Variants in TCERG1L observed in about 807,000 individuals in gnomAD.
TCERG1L encodes transcription elongation regulator 1-like protein.
Under a neutral mutation model 56.3 loss-of-function variants are expected in TCERG1L, and 37 were observed. That is an observed-to-expected ratio of 0.66 (90% CI 0.51 to 0.87). The LOEUF is 0.87. Among genes scored for constraint, TCERG1L ranks in the 40% least tolerant of loss-of-function variants. TCERG1L has a pLI of 0.00. For missense variants in TCERG1L, 799 were observed against 774.2 expected (o/e 1.03, Z -0.38); for synonymous variants, 324 against 326.3 (o/e 0.99, Z 0.08).
intron 4 of TCERG1L, among the ~76,000 whole-genome samples, chr10:131,221,193 C>T (rs1321483001): frequency 6.6e-6 from 1 of 152,204 alleles, no homozygotes; most frequent in Non-Finnish European, 1.5e-5. Context: ...GAAAGTGTCT[C>T]CCACCCTGAC....
At chr10:131,233,086 T>C (rs1256078722) in intron 4 of TCERG1L, among the ~76,000 whole-genome samples, 1 of 152,236 alleles carries the variant, frequency 6.6e-6, no homozygotes, top group Non-Finnish European at 1.5e-5. Context: ...TCAGACGATG[T>C]TAGCGTATGT....
At chr10:131,149,512 A>G (rs1251569868) in intron 6 of TCERG1L, among the ~76,000 whole-genome samples, 2 of 152,236 alleles carry the variant, frequency 1.3e-5, no homozygotes, top group Admixed American at 6.5e-5. Context: ...TAAATTATGC[A>G]CAATTCAGCT....
intron 4 of TCERG1L, among the ~76,000 whole-genome samples, chr10:131,188,572 G>T (rs1474255337): frequency 6.6e-6 from 1 of 152,042 alleles, no homozygotes; most frequent in African/African-American, 2.4e-5. Context: ...TCAATAATGG[G>T]CACACAATTA....
chr10:131,221,887 G>A (rs2133499239), intron 4 of TCERG1L, among the ~76,000 whole-genome samples: 1 of 152,342 alleles, frequency 6.6e-6, no homozygotes, highest in Admixed American at 6.5e-5. Context: ...ATGAGAATCT[G>A]CGTGGGCATC....
At position 131,116,788 on chromosome 10, in the gene TCERG1L, C is replaced by T. The variant is rs915251200; in HGVS notation, c.1395+11G>A. On this transcript the variant is annotated intron_variant, in intron 9 of 11. Coordinates refer to ENST00000368642, the MANE Select transcript of TCERG1L (RefSeq NM_174937.4). ...CCGTAGGAGTGCAGCCCCTCAGCCGCTGTGCCTTACCCCTCTCTCCAGCAG... is the reference window on the plus strand; with the variant it reads ...CCGTAGGAGTGCAGCCCCTCAGCCGTTGTGCCTTACCCCTCTCTCCAGCAG... 5 of 1,553,936 alleles carry T rather than the reference C, an allele frequency of 3.2e-6. No homozygotes were observed. The African/African-American group carries it at 6.8e-5, about 21-fold the overall frequency.
At chr10:131,135,161 T>C (rs1391637505) in intron 7 of TCERG1L, among the ~76,000 whole-genome samples, 1 of 152,120 alleles carries the variant, frequency 6.6e-6, no homozygotes, top group Non-Finnish European at 1.5e-5. Context: ...AAAATTTTTG[T>C]ATTTTTGGTA....
chr10:131,093,122 C>G lies in TCERG1L; in HGVS notation c.*40G>C. 1 of 1,599,996 alleles carries G rather than the reference C, an allele frequency of 6.3e-7. No homozygotes were observed. The highest frequency in any genetic ancestry group is 8.5e-7 in the Non-Finnish European group (1 of 1,172,844). ...CGTGACCCCCTCGCCCCCGGCACGCCCAGGGTCAACCCCCGGGCTTATTGC... is the reference window on the plus strand; with the variant it reads ...CGTGACCCCCTCGCCCCCGGCACGCGCAGGGTCAACCCCCGGGCTTATTGC... On this transcript the variant is annotated 3_prime_UTR_variant, in exon 12 of 12. Coordinates refer to ENST00000368642, the MANE Select transcript of TCERG1L (RefSeq NM_174937.4).
chr10:131,253,545 G>A (rs1368497416), intron 4 of TCERG1L, among the ~76,000 whole-genome samples: 3 of 152,164 alleles, frequency 2.0e-5, no homozygotes, highest in Non-Finnish European at 4.4e-5. Flanking sequence ...GGTTAATGCT[G>A]AGCTGACCAG....
At chr10:131,301,022 A>G (rs1004547560) in intron 3 of TCERG1L, among the ~76,000 whole-genome samples, 11 of 152,072 alleles carry the variant, frequency 7.2e-5, no homozygotes, top group Non-Finnish European at 1.2e-4. Flanking sequence ...AATCTTTTTC[A>G]GTATTTGTAC....
In TCERG1L at chr10:131,270,277, G is replaced by A. The variant is rs76077824; in HGVS notation, c.671-9833C>T. 9.9e-3 allele frequency among the ~76,000 whole-genome samples: 1,509 copies of A among 152,312 alleles called. 60 individuals are homozygous for A. In the East Asian group the frequency reaches 0.1, roughly 10 times the overall value. ...GCAAAGCCAGCCAGAGCCTGGGGAC[G>A]CTAGCTGCTCCCCTCGGAGACGCCT... On this transcript the variant is annotated intron_variant, in intron 3 of 11. Transcript: ENST00000368642.
chr10:131,127,710 C>T (rs77923955), intron 8 of TCERG1L, among the ~76,000 whole-genome samples: 1,748 of 152,210 alleles, frequency 0.011, 19 homozygotes, highest in Non-Finnish European at 0.02. Flanking sequence ...GAGGGAGTCC[C>T]GGAACCACAG....
chr10:131,276,012 C>T (rs1298771364), intron 3 of TCERG1L, among the ~76,000 whole-genome samples: 1 of 152,226 alleles, frequency 6.6e-6, no homozygotes, highest in African/African-American at 2.4e-5. Flanking sequence ...AGAAACTCCT[C>T]AGGCAGGATC....
intron 10 of TCERG1L, 126 bp downstream of exon 10, chr10:131,104,139 A>T: frequency 1.6e-6 from 1 of 638,222 alleles, no homozygotes; most frequent in South Asian, 2.0e-5. Context: ...ACAAGCTCGC[A>T]AGCCACTGGC....
chr10:131,274,063 A>C (rs561052387), intron 3 of TCERG1L, among the ~76,000 whole-genome samples: 2 of 152,190 alleles, frequency 1.3e-5, no homozygotes, highest in East Asian at 3.9e-4. Context: ...TGGAAGCACC[A>C]CCGCCGTCGA....
At chr10:131,246,612 GCACCC>G (rs944164802) in intron 4 of TCERG1L, among the ~76,000 whole-genome samples, 30 of 85,672 alleles carry the variant, frequency 3.5e-4, no homozygotes, top group East Asian at 1.1e-3. Context: ...CTGCCCCACC[GCACCC>G]CACCCCACCC....
intron 8 of TCERG1L, among the ~76,000 whole-genome samples, chr10:131,129,422 A>T (rs990284765): frequency 3.9e-5 from 6 of 152,258 alleles, no homozygotes; most frequent in African/African-American, 1.4e-4. Context: ...GGCACTGACC[A>T]AAGCAGAAAA....
At chr10:131,155,481 C>A (rs60098911) in intron 6 of TCERG1L, among the ~76,000 whole-genome samples, 3,878 of 152,298 alleles carry the variant, frequency 0.025, 202 homozygotes, top group East Asian at 0.24. Flanking sequence ...CAGGTTTCTG[C>A]ACACAGGTTC....
At chr10:131,121,498 A>T (rs947213724) in intron 8 of TCERG1L, among the ~76,000 whole-genome samples, 1 of 152,222 alleles carries the variant, frequency 6.6e-6, no homozygotes, top group African/African-American at 2.4e-5. Context: ...CCATCAACTT[A>T]TTAGCTCTGC....
intron 6 of TCERG1L, among the ~76,000 whole-genome samples, chr10:131,147,373 C>T (rs768981075): frequency 1.2e-4 from 18 of 152,208 alleles, no homozygotes; most frequent in Non-Finnish European, 2.5e-4. Context: ...AAAAGTCCCT[C>T]CCTAAGGAAT....
Sources: allele counts gnomAD v4.1 joint callset (sites outside exome capture counted in the v4.1 genomes callset), GRCh38; gene constraint gnomAD v4.1.1; transcripts MANE v1.5; gene names NCBI Gene and HGNC (gene_info 2026-07-23, HGNC 2026-07-21).